SENP3: variants seen among roughly 807,000 people sequenced by gnomAD.
SENP3 encodes SUMO specific peptidase 3.
A neutral mutation model predicts 66.2 loss-of-function variants in SENP3; 11 were observed. That is an observed-to-expected ratio of 0.17 (90% CI 0.10 to 0.28). SENP3 has a LOEUF of 0.28. Ranked by LOEUF, SENP3 falls within the 10% of genes least tolerant of loss-of-function variation. The pLI, the probability that SENP3 is intolerant of heterozygous loss-of-function variation, is 1.00. For synonymous variants in SENP3, 292 were observed against 277.6 expected, an observed-to-expected ratio of 1.05 and a Z score of -0.52; for missense variants, 548 against 743.7, an observed-to-expected ratio of 0.74 and a Z score of 3.06.
chr17:7,571,900 TATATATATAA>T lies in SENP3; in HGVS notation c.*419_*428del, dbSNP rs1567731541. On this transcript the variant is annotated 3_prime_UTR_variant, in exon 11 of 11. Coordinates refer to ENST00000321337, the MANE Select transcript of SENP3 (RefSeq NM_015670.6). The stretch of plus-strand genomic sequence containing the variant: ...ATATATATATATATATATATATATA[TATATATATAA>T]AAATATATAAATGCCACGGTCCTGC... The T allele has an allele frequency of 2.7e-3, 41 of 14,970 alleles. 4 individuals are homozygous for T. The highest frequency in any genetic ancestry group is 4.7e-3 in the Non-Finnish European group (33 of 7,032). The allele number at this position is 14,970 out of a possible 1,614,324, so 0.9% of individuals were successfully genotyped here. A position where few individuals can be genotyped will look rare whatever the true frequency, so the allele number is the denominator to read the frequency against.
Position 7,564,624 on chromosome 17 carries a change from G to T in SENP3, c.716-1G>T. 6.2e-7 allele frequency: 1 copy of T among 1,613,948 alleles called. No homozygotes were observed. Among genetic ancestry groups the T allele is most frequent in the Non-Finnish European group, 8.5e-7 (1 of 1,179,866 alleles). ...CCCATTCCATTTCCCCTGCCCTATA[G>T]GCCTCCTTTCATGTACTCTGCCCAA... is the stretch of plus-strand genomic sequence containing the variant. On this transcript the variant is annotated splice_acceptor_variant, in intron 2 of 10. Coordinates refer to ENST00000321337, the MANE Select transcript of SENP3 (RefSeq NM_015670.6). LOFTEE classifies it high-confidence loss of function.
At chr17:7,563,045 C>T (rs764518172) in intron 1 of SENP3, 21 bp from the exon 2 acceptor site, 16 of 1,446,112 alleles carry the variant, frequency 1.1e-5, no homozygotes, top group Middle Eastern at 2.1e-4. Flanking sequence ...GATTTTGATA[C>T]CCTGATCTTT....
rs2150921879 is a variant in SENP3, at chr17:7,571,358, TTTG to T, written c.1615-12_1615-10del. 6.2e-7 allele frequency: 1 copy of T among 1,600,368 alleles called. No individual in the cohort carries two copies. The highest frequency in any genetic ancestry group is 2.2e-5 in the East Asian group (1 of 44,790). On this transcript the variant is annotated splice_polypyrimidine_tract_variant and intron_variant, in intron 10 of 10. Transcript: ENST00000321337. ...ACACGGGGGGTTTCTCATGGCTTGC[TTTG>T]TTAACACCCAGTACTGCAAGCATCT...
rs1175787726 is a variant in SENP3 at position 7,562,854 on chromosome 17, C to A, written c.-11-212C>A. Among the ~76,000 whole-genome samples the A allele has an allele frequency of 1.3e-5, 2 of 152,178 alleles. No homozygotes were observed. The highest frequency in any genetic ancestry group is 2.9e-5 in the Non-Finnish European group (2 of 68,032). On this transcript the variant is annotated intron_variant, in intron 1 of 10. Coordinates refer to ENST00000321337, the MANE Select transcript of SENP3 (RefSeq NM_015670.6). This position sits in a 1 kb window ranked among gnomAD's most constrained non-coding sequence, Gnocchi z 5.0. ...GAGGCCTGCTGCTTAGCCATTTTCCCTTGTCTCTGGACTGGGGAGAGATGA... is the reference window on the plus strand; with the variant it reads ...GAGGCCTGCTGCTTAGCCATTTTCCATTGTCTCTGGACTGGGGAGAGATGA...
chr17:7,564,578 T>G (rs1597839010), intron 2 of SENP3, 47 bp from the exon 3 acceptor site: 2 of 1,608,144 alleles, frequency 1.2e-6, no homozygotes, highest in Non-Finnish European at 8.5e-7. Flanking sequence ...CATTGTGCTT[T>G]CCCCAGGCCA....
At position 7,562,616 on chromosome 17, in the gene SENP3, G is replaced by A. The variant is rs1028501027; in HGVS notation, c.-12+353G>A. ...TGACCGCAGCCTTCCCATGCCCCCCGTTCATCCAGGGTGTTAGAGAACTGT... is the reference window on the plus strand; with the variant it reads ...TGACCGCAGCCTTCCCATGCCCCCCATTCATCCAGGGTGTTAGAGAACTGT... On this transcript the variant is annotated intron_variant, in intron 1 of 10. Coordinates refer to ENST00000321337, the MANE Select transcript of SENP3 (RefSeq NM_015670.6). This position sits in a 1 kb window ranked among gnomAD's most constrained non-coding sequence, Gnocchi z 5.0. Among the ~76,000 whole-genome samples the A allele has an allele frequency of 2.6e-5, 4 of 152,184 alleles. No individual in the cohort carries two copies. The highest frequency in any genetic ancestry group is 5.9e-5 in the Non-Finnish European group (4 of 68,030).
Position 7,566,971 on chromosome 17 carries a change from G to A in SENP3, c.1308G>A (p.Lys436=). The A allele has an allele frequency of 6.4e-7, 1 of 1,569,218 alleles. No individual in the cohort carries two copies. The highest frequency in any genetic ancestry group is 1.2e-5 in the South Asian group (1 of 85,224). Residue 436 remains lysine, a synonymous_variant, in exon 7 of 11, where the codon AAG becomes AAA. Coordinates refer to ENST00000321337, the MANE Select transcript of SENP3 (RefSeq NM_015670.6). ...NSFFYDKLRT[K]GYDGVKRWTK... ...TCTTCTATGATAAACTCCGTACCAA[G>A]GGTTATGATGGGGTGAAAAGGTGGA...
intron 7 of SENP3, among the ~76,000 whole-genome samples, chr17:7,568,377 C>T (rs139298099): frequency 3.3e-5 from 5 of 152,322 alleles, no homozygotes; most frequent in African/African-American, 1.2e-4. Context: ...GCAGATGGAT[C>T]GCAAGGTCAA....
rs894427166 is a variant in SENP3 at position 7,562,025 on chromosome 17, C to CGGTGGCGGA, written c.-244_-236dup. ...GCGGCGGCGGTGGCGCTGGTGGCGG[C>CGGTGGCGGA]GGTGGCGGAGGTGGAGGTGGAGGTG... is the stretch of plus-strand genomic sequence containing the variant. On this transcript the variant is annotated 5_prime_UTR_variant, in exon 1 of 11. Coordinates refer to ENST00000321337, the MANE Select transcript of SENP3 (RefSeq NM_015670.6). The surrounding 1 kb of genome is among the most constrained non-coding windows in gnomAD (Gnocchi z 5.0). The CGGTGGCGGA allele has an allele frequency of 2.3e-5, 9 of 399,478 alleles. No individual in the cohort carries two copies. Among genetic ancestry groups the CGGTGGCGGA allele is most frequent in the Admixed American group, 4.4e-5 (1 of 22,608 alleles). The allele number at this position is 399,478 out of a possible 1,614,324, so 24.7% of individuals were successfully genotyped here. A position where few individuals can be genotyped will look rare whatever the true frequency, so the allele number is the denominator to read the frequency against.
intron 2 of SENP3, among the ~76,000 whole-genome samples, chr17:7,564,021 C>T (rs1203673133): frequency 6.6e-6 from 1 of 152,074 alleles, no homozygotes; most frequent in Non-Finnish European, 1.5e-5. Context: ...AAACAGATGC[C>T]CTAAGTAGGT....
intron 2 of SENP3, among the ~76,000 whole-genome samples, chr17:7,564,182 C>G (rs1180545865): frequency 6.6e-6 from 1 of 152,164 alleles, no homozygotes; most frequent in Non-Finnish European, 1.5e-5. Flanking sequence ...TGGGATCTCT[C>G]CCAGTAGTGG....
In SENP3 at chr17:7,562,185, T is replaced by C. The variant is rs1052688178; in HGVS notation, c.-90T>C. 1 of 398,160 alleles carries C rather than the reference T, an allele frequency of 2.5e-6. No individual in the cohort carries two copies. The highest frequency in any genetic ancestry group is 2.1e-5 in the African/African-American group (1 of 48,546). 24.7% of individuals were successfully genotyped at this position (398,160 alleles called of 1,614,324 possible). ...AGCAGGAGTGGCGGGGCCGCCGCCGTCGCCGGAGAGATGAGCCGGGAAGCT... is the reference window on the plus strand; with the variant it reads ...AGCAGGAGTGGCGGGGCCGCCGCCGCCGCCGGAGAGATGAGCCGGGAAGCT... On this transcript the variant is annotated 5_prime_UTR_variant, in exon 1 of 11. Transcript: ENST00000321337. This position sits in a 1 kb window ranked among gnomAD's most constrained non-coding sequence, Gnocchi z 5.0.
chr17:7,563,199 A>C lies in SENP3; in HGVS notation c.123A>C (p.Arg41=). 2 of 1,572,814 alleles carry C rather than the reference A, an allele frequency of 1.3e-6. No individual in the cohort carries two copies. Among genetic ancestry groups the C allele is most frequent in the Non-Finnish European group, 1.7e-6 (2 of 1,158,386 alleles). ...RLRWPPPPKP[R]LKSGGGFGPD... ...GTTGGCCCCCACCTCCCAAACCCCGACTCAAGTCAGGTGGAGGGTTTGGGC... is the reference window on the plus strand; with the variant it reads ...GTTGGCCCCCACCTCCCAAACCCCGCCTCAAGTCAGGTGGAGGGTTTGGGC... Residue 41 remains arginine, a synonymous_variant, in exon 2 of 11, where the codon CGA becomes CGC. Transcript: ENST00000321337.
chr17:7,566,011 G>GT, intron 6 of SENP3: 1 of 408,594 alleles, frequency 2.4e-6, no homozygotes, highest in Non-Finnish European at 4.4e-6. Flanking sequence ...GGTTCCTATT[G>GT]TAACTATTGT....
chr17:7,563,815 G>GTTGGGGGT, intron 2 of SENP3, 24 bp downstream of exon 2: 1 of 1,129,396 alleles, frequency 8.9e-7, no homozygotes, highest in Non-Finnish European at 1.3e-6. Flanking sequence ...GGGGTGTGGG[G>GTTGGGGGT]TTGCGGGGGA....
At position 7,565,464 on chromosome 17, in the gene SENP3, C is replaced by A. The variant is rs1167708568; in HGVS notation, c.1092C>A (p.Ile364=). ...PSRKGLVLQL[I]QSYQRMPGNA... ...GGAAGGGCCTGGTGTTGCAGCTGAT[C>A]CAGTCTTACCAGCGGATGCCAGGCA... is the stretch of plus-strand genomic sequence containing the variant. Residue 364 remains isoleucine, a synonymous_variant, in exon 5 of 11, where the codon ATC becomes ATA. Transcript: ENST00000321337. 1 of 1,613,764 alleles carries A rather than the reference C, an allele frequency of 6.2e-7. No individual in the cohort carries two copies. Among genetic ancestry groups the A allele is most frequent in the Non-Finnish European group, 8.5e-7 (1 of 1,179,826 alleles).
chr17:7,564,550 A>C lies in SENP3; in HGVS notation c.716-75A>C, dbSNP rs766274583. 6.3e-6 allele frequency: 10 copies of C among 1,577,778 alleles called. No individual in the cohort carries two copies. The South Asian group carries it at 1.1e-4, about 18-fold the overall frequency. ...TCTTGCGGTCTTATTTGCATGCATGAGTCAACTGTGTGCATCCCATTGTGC... is the reference window on the plus strand; with the variant it reads ...TCTTGCGGTCTTATTTGCATGCATGCGTCAACTGTGTGCATCCCATTGTGC... On this transcript the variant is annotated intron_variant, in intron 2 of 10. Coordinates refer to ENST00000321337, the MANE Select transcript of SENP3 (RefSeq NM_015670.6).
intron 7 of SENP3, among the ~76,000 whole-genome samples, chr17:7,568,969 C>T (rs1408808587): frequency 1.3e-5 from 2 of 152,108 alleles, no homozygotes; most frequent in Non-Finnish European, 2.9e-5. Flanking sequence ...TTGGGGGATA[C>T]CCAGCTGTGT....
rs1199461533 is a variant in SENP3 at position 7,562,576 on chromosome 17, C to T, written c.-12+313C>T. 6.6e-6 allele frequency among the ~76,000 whole-genome samples: 1 copy of T among 152,242 alleles called. No individual in the cohort carries two copies. Among genetic ancestry groups the T allele is most frequent in the East Asian group, 1.9e-4 (1 of 5,204 alleles). ...TCTGCCCCCTGAACCATATCCCTGG[C>T]ATCTGCACTTGAGATGACCGCAGCC... On this transcript the variant is annotated intron_variant, in intron 1 of 10. Coordinates refer to ENST00000321337, the MANE Select transcript of SENP3 (RefSeq NM_015670.6). This position sits in a 1 kb window ranked among gnomAD's most constrained non-coding sequence, Gnocchi z 5.0.
Sources: gnomAD v4.1 joint callset for allele counts (sites outside exome capture counted in the v4.1 genomes callset) on GRCh38, gnomAD v4.1.1 for gene constraint, Gnocchi (gnomAD v3.1) non-coding constraint, MANE v1.5 for transcripts, NCBI Gene and HGNC (gene_info 2026-07-23, HGNC 2026-07-21) for gene names.